The following TRIO variants were observed in gnomAD, a reference collection of about 807,000 sequenced individuals.
TRIO encodes the protein trio Rho guanine nucleotide exchange factor.
TRIO carries 58 observed loss-of-function variants against 351.9 expected under a neutral mutation model. The observed-to-expected ratio is 0.16, with a 90% CI of 0.13 to 0.21. The LOEUF is 0.21. Ranked by LOEUF, TRIO falls within the 10% of genes least tolerant of loss-of-function variation. The pLI, the probability that TRIO is intolerant of heterozygous loss-of-function variation, is 1.00. For synonymous variants in TRIO, 1,758 were observed against 1,595.7 expected (o/e 1.10, Z -2.42); for missense variants, 3,201 against 4,027.8 (o/e 0.79, Z 5.56).
chr5:14,367,853 A>G (rs1370011447), intron 16 of TRIO, among the ~76,000 whole-genome samples: 2 of 152,220 alleles, frequency 1.3e-5, no homozygotes, highest in African/African-American at 2.4e-5. Context: ...AACTCTGGGC[A>G]TCTGTATACT....
chr5:14,165,763 C>A (rs955550492), intron 1 of TRIO, among the ~76,000 whole-genome samples: 3 of 152,082 alleles, frequency 2.0e-5, no homozygotes, highest in African/African-American at 7.2e-5. Flanking sequence ...CACAAAGGCC[C>A]CTGGATCCCA....
intron 1 of TRIO, among the ~76,000 whole-genome samples, chr5:14,233,902 C>A (rs1265021904): frequency 7.9e-5 from 12 of 152,044 alleles, no homozygotes; most frequent in Admixed American, 7.9e-4. Flanking sequence ...GTGATTCTTT[C>A]ACCTCAGCCT....
chr5:14,263,477 G>T (rs138835326), intron 1 of TRIO, among the ~76,000 whole-genome samples: 1 of 152,252 alleles, frequency 6.6e-6, no homozygotes, highest in Middle Eastern at 3.4e-3. Context: ...GGATAATTGA[G>T]TTTTTTCTTT....
chr5:14,217,596 G>A (rs1237340645), intron 1 of TRIO, among the ~76,000 whole-genome samples: 1 of 152,212 alleles, frequency 6.6e-6, no homozygotes, highest in Non-Finnish European at 1.5e-5. Flanking sequence ...CTGATTTATA[G>A]GAAGATTGTC....
At chr5:14,381,573 T>G (rs1372870745) in intron 21 of TRIO, among the ~76,000 whole-genome samples, 1 of 152,198 alleles carries the variant, frequency 6.6e-6, no homozygotes, top group Non-Finnish European at 1.5e-5. Context: ...GACTTGCTAT[T>G]TTTATGAAAC....
rs746008556 is a variant in TRIO, at chr5:14,290,907, G to A, written c.732G>A (p.Lys244=). 1.9e-6 allele frequency: 3 copies of A among 1,614,056 alleles called. No individual in the cohort carries two copies. The highest frequency in any genetic ancestry group is 2.7e-5 in the African/African-American group (2 of 74,926). Residue 244 remains lysine (K), a synonymous_variant, in exon 5 of 57, where the codon AAG becomes AAA. Coordinates refer to ENST00000344204, the MANE Select transcript of TRIO (RefSeq NM_007118.4). ...LEELQDILAK[K]ELPQDLEGAR... is the part of the protein sequence containing the mutation. ...AACTTCAGGACATCCTAGCTAAGAA[G>A]GAGCTGCCTCAGGATTTAGAGGGGG... is the stretch of plus-strand genomic sequence containing the variant.
chr5:14,273,741 G>A (rs753435117), intron 2 of TRIO, among the ~76,000 whole-genome samples: 11 of 152,144 alleles, frequency 7.2e-5, no homozygotes, highest in Non-Finnish European at 1.0e-4. Flanking sequence ...TGGAGTTTGC[G>A]CCTAATGGCA....
Position 14,239,408 on chromosome 5 carries a change from G to A in TRIO, c.158-31417G>A, listed in dbSNP as rs16903323. 1.5e-3 allele frequency among the ~76,000 whole-genome samples: 221 copies of A among 152,166 alleles called. 3 individuals are homozygous for A. The highest frequency in any genetic ancestry group is 4.7e-3 in the African/African-American group (197 of 41,492). On this transcript the variant is annotated intron_variant, in intron 1 of 56. Coordinates refer to ENST00000344204, the MANE Select transcript of TRIO (RefSeq NM_007118.4). The stretch of plus-strand genomic sequence containing the variant: ...CAGTGCCAGCTTTCTTGTTTCCTTG[G>A]TGTCTCTACTAACAGAAATACGCAA...
chr5:14,392,055 G>T (rs986896310), intron 27 of TRIO, among the ~76,000 whole-genome samples: 1 of 152,174 alleles, frequency 6.6e-6, no homozygotes, highest in African/African-American at 2.4e-5. Context: ...CACTTAAACA[G>T]TGAGGGCACA....
At chr5:14,256,526 G>A (rs1431424283) in intron 1 of TRIO, among the ~76,000 whole-genome samples, 8 of 152,174 alleles carry the variant, frequency 5.3e-5, no homozygotes, top group African/African-American at 1.7e-4. Flanking sequence ...TTCTTAAACC[G>A]GATAGTGGTT....
intron 12 of TRIO, among the ~76,000 whole-genome samples, chr5:14,358,847 T>C (rs952774660): frequency 6.6e-6 from 1 of 152,194 alleles, no homozygotes; most frequent in Admixed American, 6.5e-5. Context: ...ATTTTTTTTA[T>C]TGGGTCAGGG....
At chr5:14,322,628 A>C (rs1234924259) in intron 9 of TRIO, among the ~76,000 whole-genome samples, 1 of 152,040 alleles carries the variant, frequency 6.6e-6, no homozygotes, top group Non-Finnish European at 1.5e-5. Context: ...GTTTAGCATC[A>C]CCTACACTAG....
At chr5:14,180,781 G>T (rs114274449) in intron 1 of TRIO, among the ~76,000 whole-genome samples, 221 of 152,044 alleles carry the variant, frequency 1.5e-3, no homozygotes, top group African/African-American at 5.1e-3. Context: ...AATGAGCTCT[G>T]ATTTCATCAC....
chr5:14,465,785 C>G (rs546547834), intron 37 of TRIO, 145 bp downstream of exon 37: 1 of 776,054 alleles, frequency 1.3e-6, no homozygotes, highest in African/African-American at 1.7e-5. Flanking sequence ...CATGACCACC[C>G]TCGGGTTCAC....
chr5:14,489,119 AT>A (rs1050289958), intron 48 of TRIO: 1 of 735,654 alleles, frequency 1.4e-6, no homozygotes, highest in Admixed American at 1.8e-5. Flanking sequence ...CGCTTTATAA[AT>A]TTTTAAATAC....
Position 14,481,550 on chromosome 5 carries a change from G to A in TRIO, c.6397G>A (p.Glu2133Lys). Residue 2133 changes from glutamate to lysine, a missense_variant, in exon 45 of 57, where the codon GAA (glutamate) becomes AAA (lysine). Glu to Lys is a moderately conservative substitution (Grantham distance 56). Around this residue, in one of 19 missense-constraint regions of TRIO, gnomAD observed 307 missense variants for 396.5 expected, o/e 0.77. Transcript: ENST00000344204. ...LDTSELERAV[E>K]VMCIVPRRCN... is the part of the protein sequence containing the mutation. ...CTCTCCCCTCCCACAGAGAGCTGTG[G>A]AAGTCATGTGCATAGTACCCAGGCG... The A allele has an allele frequency of 6.2e-7, 1 of 1,614,110 alleles. No homozygotes were observed. Among genetic ancestry groups the A allele is most frequent in the Non-Finnish European group, 8.5e-7 (1 of 1,180,010 alleles).
intron 1 of TRIO, among the ~76,000 whole-genome samples, chr5:14,181,493 CTG>C (rs1219392375): frequency 6.6e-6 from 1 of 152,230 alleles, no homozygotes; most frequent in Non-Finnish European, 1.5e-5. Flanking sequence ...ATCTCAGAAT[CTG>C]TGATGGCCTT....
At chr5:14,313,420 A>C (rs749049135) in intron 8 of TRIO, among the ~76,000 whole-genome samples, 3 of 152,230 alleles carry the variant, frequency 2.0e-5, no homozygotes, top group Non-Finnish European at 4.4e-5. Flanking sequence ...GAAATATTGC[A>C]TGGAATGTTG....
At chr5:14,316,107 G>A (rs558240838) in intron 8 of TRIO, among the ~76,000 whole-genome samples, 2 of 152,106 alleles carry the variant, frequency 1.3e-5, no homozygotes, top group South Asian at 4.1e-4. Context: ...AACATGTCTC[G>A]AGATAAAATT....
Sources: allele counts gnomAD v4.1 joint callset (sites outside exome capture counted in the v4.1 genomes callset), GRCh38; gene constraint gnomAD v4.1.1; regional missense constraint gnomAD v4.1.1; transcripts MANE v1.5; gene names NCBI Gene and HGNC (gene_info 2026-07-23, HGNC 2026-07-21).